The following PTPRD variants were observed in gnomAD, a reference collection of about 807,000 sequenced individuals.
The protein encoded by PTPRD is receptor-type tyrosine-protein phosphatase delta.
A neutral mutation model predicts 214.5 loss-of-function variants in PTPRD; 34 were observed. The observed-to-expected ratio is 0.16, with a 90% CI of 0.12 to 0.21. PTPRD has a LOEUF of 0.21. PTPRD is among the 10% of genes least tolerant of loss of function. The probability of loss-of-function intolerance (pLI) is 1.00; values close to 1 mark genes in which losing one functional copy is unlikely to be tolerated. For missense variants in PTPRD, 2,545 were observed against 2,398.7 expected (o/e 1.06, Z -1.27); for synonymous variants, 1,128 against 845.7 (o/e 1.33, Z -5.79).
intron 10 of PTPRD, among the ~76,000 whole-genome samples, chr9:9,140,628 G>T (rs958405395): frequency 6.6e-6 from 1 of 152,184 alleles, no homozygotes; most frequent in Non-Finnish European, 1.5e-5. Context: ...GCCCAGGCTG[G>T]AGTGCAGAGG....
intron 2 of PTPRD, among the ~76,000 whole-genome samples, chr9:10,543,989 T>G (rs373538994): frequency 6.6e-6 from 1 of 152,162 alleles, no homozygotes; most frequent in Non-Finnish European, 1.5e-5. Context: ...AATGAATGCA[T>G]GTCTCAAGAT....
At chr9:9,451,594 C>A (rs2092195240) in intron 8 of PTPRD, among the ~76,000 whole-genome samples, 1 of 151,366 alleles carries the variant, frequency 6.6e-6, no homozygotes, top group Non-Finnish European at 1.5e-5. Context: ...AATAAGGCAG[C>A]AAGTTGGTAT....
intron 2 of PTPRD, among the ~76,000 whole-genome samples, chr9:10,380,458 A>G (rs191203182): frequency 1.3e-4 from 20 of 152,162 alleles, no homozygotes; most frequent in African/African-American, 3.4e-4. Flanking sequence ...GCTTCTTTGC[A>G]TCAGAAAGGT....
chr9:10,184,921 A>G (rs2099322094), intron 3 of PTPRD, among the ~76,000 whole-genome samples: 1 of 152,180 alleles, frequency 6.6e-6, no homozygotes, highest in Non-Finnish European at 1.5e-5. Context: ...GAAGACTTAA[A>G]GCACATGTAA....
chr9:9,743,892 C>T (rs192245832), intron 6 of PTPRD, among the ~76,000 whole-genome samples: 126 of 152,040 alleles, frequency 8.3e-4, no homozygotes, highest in Admixed American at 1.8e-3. Context: ...CTAATTGATC[C>T]GATAAATCTA....
chr9:9,866,617 G>C (rs2064024841), intron 5 of PTPRD, among the ~76,000 whole-genome samples: 1 of 152,126 alleles, frequency 6.6e-6, no homozygotes, highest in South Asian at 2.1e-4. Flanking sequence ...GTGAAAAGTA[G>C]AAGGAGAATA....
chr9:8,405,835 G>C (rs2092921799), intron 35 of PTPRD, among the ~76,000 whole-genome samples: 1 of 151,714 alleles, frequency 6.6e-6, no homozygotes, highest in African/African-American at 2.4e-5. Context: ...TGTATATGTA[G>C]AAGTTGGGAG....
rs556448489 is a variant in PTPRD at position 8,465,504 on chromosome 9, C to T, written c.3676G>A (p.Val1226Ile). Residue 1226 changes from valine to isoleucine, a missense_variant, in exon 32 of 46, where the codon GTC becomes ATC. By Grantham distance (29) the Val-to-Ile change is conservative (BLOSUM62 3). Coordinates refer to ENST00000381196, the MANE Select transcript of PTPRD (RefSeq NM_002839.4). The part of the protein sequence containing the change: ...NKQLQSGQEY[V>I]FFVLAVMEHA... The stretch of plus-strand genomic sequence containing the variant: ...TCCATTACTGCTAACACAAAGAAGA[C>T]ATATTCTTGACCACTTTGGAGTTGC... The T allele has an allele frequency of 2.5e-6, 4 of 1,612,520 alleles. No individual in the cohort carries two copies. In the South Asian group the frequency reaches 4.4e-5, roughly 18 times the overall value.
intron 2 of PTPRD, among the ~76,000 whole-genome samples, chr9:10,367,443 A>C (rs2097536416): frequency 6.6e-6 from 1 of 152,096 alleles, no homozygotes; most frequent in Admixed American, 6.6e-5. Context: ...TGAGCCAACC[A>C]CTGCCACTGG....
At chr9:8,502,918 A>G (rs2097444335) in intron 23 of PTPRD, among the ~76,000 whole-genome samples, 1 of 151,722 alleles carries the variant, frequency 6.6e-6, no homozygotes, top group African/African-American at 2.4e-5. Flanking sequence ...GAAATATAAT[A>G]TTGAAGCATG....
chr9:9,471,961 A>G (rs1173171170), intron 8 of PTPRD, among the ~76,000 whole-genome samples: 3 of 152,152 alleles, frequency 2.0e-5, no homozygotes, highest in Non-Finnish European at 2.9e-5. Flanking sequence ...CCTATAAATG[A>G]AAAACACATT....
chr9:9,239,485 T>C (rs907645719), intron 9 of PTPRD, among the ~76,000 whole-genome samples: 13 of 152,106 alleles, frequency 8.5e-5, no homozygotes, highest in Non-Finnish European at 1.6e-4. Context: ...TGGTATATAT[T>C]AGTCATGAGA....
intron 2 of PTPRD, among the ~76,000 whole-genome samples, chr9:10,460,435 A>T (rs558999566): frequency 6.6e-6 from 1 of 152,226 alleles, no homozygotes; most frequent in African/African-American, 2.4e-5. Flanking sequence ...AATTCTGAAA[A>T]AAAAAAAAGT....
chr9:9,947,966 C>A (rs1052515524), intron 4 of PTPRD, among the ~76,000 whole-genome samples: 4 of 151,628 alleles, frequency 2.6e-5, no homozygotes, highest in African/African-American at 9.7e-5. Context: ...CTACGAGTTT[C>A]CTTGTTGCAG....
intron 11 of PTPRD, among the ~76,000 whole-genome samples, chr9:8,828,014 A>C (rs1174692480): frequency 6.6e-6 from 1 of 152,206 alleles, no homozygotes; most frequent in African/African-American, 2.4e-5. Context: ...GGCACTGTTT[A>C]ATCTGTTTGG....
chr9:8,465,343 C>T (rs1252622001), intron 32 of PTPRD, 123 bp downstream of exon 32: 2 of 831,312 alleles, frequency 2.4e-6, no homozygotes, highest in African/African-American at 1.7e-5. Flanking sequence ...CCTGTTATTA[C>T]ACTTAATAAC....
intron 12 of PTPRD, among the ~76,000 whole-genome samples, chr9:8,726,155 T>C (rs534433061): frequency 6.6e-6 from 1 of 152,222 alleles, no homozygotes; most frequent in South Asian, 2.1e-4. Context: ...TAAAATGGTA[T>C]CTCCATCCAA....
intron 10 of PTPRD, among the ~76,000 whole-genome samples, chr9:9,156,564 T>G (rs2099881357): frequency 6.6e-6 from 1 of 152,106 alleles, no homozygotes; most frequent in South Asian, 2.1e-4. Flanking sequence ...AAGTTGTCTA[T>G]AGGAATACCA....
chr9:9,103,494 G>A lies in PTPRD; in HGVS notation c.-143+79810C>T, dbSNP rs1040418857. Among the ~76,000 whole-genome samples, 8 of 151,968 alleles carry A rather than the reference G, an allele frequency of 5.3e-5. 1 individual carries two copies. Among genetic ancestry groups the A allele is most frequent in the Admixed American group, 5.2e-4 (8 of 15,254 alleles). The stretch of plus-strand genomic sequence containing the variant: ...TGATGAACTTATATATGTTAAATGA[G>A]AATGTATTATTTTAAAGAAAGCAAT... On this transcript the variant is annotated intron_variant, in intron 10 of 45. Transcript: ENST00000381196.
Sources: gnomAD v4.1 joint callset for allele counts (sites outside exome capture counted in the v4.1 genomes callset) on GRCh38, gnomAD v4.1.1 for gene constraint, MANE v1.5 for transcripts, NCBI Gene and HGNC (gene_info 2026-07-23, HGNC 2026-07-21) for gene names.